The following STXBP4 variants were observed in gnomAD, a reference collection of about 807,000 sequenced individuals.
STXBP4 encodes the protein syntaxin-binding protein 4.
STXBP4 carries 55 observed loss-of-function variants against 76.1 expected under a neutral mutation model. That is an observed-to-expected ratio of 0.72 (90% confidence interval 0.58 to 0.91). The LOEUF (loss-of-function observed/expected upper bound fraction) is 0.91, where lower values mean the gene tolerates loss of function less well. STXBP4 is among the 40% of genes least tolerant of loss of function. The pLI is 0.00. For synonymous variants in STXBP4, 201 were observed against 220.2 expected (o/e 0.91, Z 0.77); for missense variants, 618 against 636.9 (o/e 0.97, Z 0.32).
the STXBP4 span, among the ~76,000 whole-genome samples, chr17:55,180,481 T>C: frequency 6.6e-6 from 1 of 152,138 alleles, no homozygotes; most frequent in African/African-American, 2.4e-5. Context: ...TCAACCTGAG[T>C]TCTTTTTACT....
In STXBP4 at chr17:55,173,193, A is replaced by G. The variant is rs1013378256; in HGVS notation, c.*13282A>G. 1 of 152,222 alleles carries G rather than the reference A, an allele frequency of 6.6e-6. No homozygotes were observed. The highest frequency in any genetic ancestry group is 1.5e-5 in the Non-Finnish European group (1 of 68,042). The allele number at this position is 152,222 out of a possible 1,614,324, so 9.4% of individuals were successfully genotyped here. A position where few individuals can be genotyped will look rare whatever the true frequency, so the allele number is the denominator to read the frequency against. Reference sequence around the variant, plus strand: ...GTTAAAGTTTATTATTTTTTAATGCAGAAAAAAGTGACTTTTGGGGGAGTG... The same window carrying G: ...GTTAAAGTTTATTATTTTTTAATGCGGAAAAAAGTGACTTTTGGGGGAGTG... On this transcript the variant is annotated 3_prime_UTR_variant, in exon 18 of 18. Coordinates refer to ENST00000376352, the MANE Select transcript of STXBP4 (RefSeq NM_178509.6).
intron 1 of STXBP4, among the ~76,000 whole-genome samples, chr17:54,973,148 C>T (rs557405089): frequency 6.6e-6 from 1 of 152,292 alleles, no homozygotes; most frequent in African/African-American, 2.4e-5. Flanking sequence ...CCAAGCTCAG[C>T]GCATGGATAG....
the STXBP4 span, among the ~76,000 whole-genome samples, chr17:55,206,989 G>A: frequency 1.3e-5 from 2 of 151,864 alleles, no homozygotes; most frequent in Non-Finnish European, 2.9e-5. Flanking sequence ...AAACCTTTAT[G>A]GGAACCTTCA....
At chr17:55,081,229 C>T in intron 16 of STXBP4, 46 bp downstream of exon 16, 1 of 1,341,470 alleles carries the variant, frequency 7.5e-7, no homozygotes, top group Non-Finnish European at 9.7e-7. Context: ...ATTTATTTAA[C>T]AAAACAAATT....
At chr17:55,122,353 A>G (rs568575227) in intron 16 of STXBP4, among the ~76,000 whole-genome samples, 1 of 152,378 alleles carries the variant, frequency 6.6e-6, no homozygotes, top group South Asian at 2.1e-4. Context: ...AGATGAAGTC[A>G]GCCAAAGAAA....
chr17:55,136,150 T>C (rs530291218), intron 16 of STXBP4, among the ~76,000 whole-genome samples: 1 of 152,250 alleles, frequency 6.6e-6, no homozygotes, highest in East Asian at 1.9e-4. Flanking sequence ...ATGTCAGAAA[T>C]AGTAGAAAGC....
At chr17:55,152,629 A>G (rs1444622065) in intron 17 of STXBP4, among the ~76,000 whole-genome samples, 2 of 152,198 alleles carry the variant, frequency 1.3e-5, no homozygotes, top group African/African-American at 2.4e-5. Flanking sequence ...AGGAAATGCC[A>G]GACGCTTATT....
intron 1 of STXBP4, among the ~76,000 whole-genome samples, chr17:54,973,051 G>A (rs1399620268): frequency 6.6e-6 from 1 of 152,232 alleles, no homozygotes; most frequent in African/African-American, 2.4e-5. Flanking sequence ...TTCAGCTCCA[G>A]ACATTTTAGA....
chr17:55,017,493 G>T (rs2078229463), intron 8 of STXBP4, among the ~76,000 whole-genome samples: 1 of 152,228 alleles, frequency 6.6e-6, no homozygotes, highest in East Asian at 1.9e-4. Context: ...GGAAATGAAA[G>T]TCTGAATCAT....
At chr17:55,203,667 A>T in the STXBP4 span, among the ~76,000 whole-genome samples, 1 of 152,194 alleles carries the variant, frequency 6.6e-6, no homozygotes. Flanking sequence ...GAAAATTTCT[A>T]CCAATCATAC....
At chr17:55,123,625 G>C (rs187784281) in intron 16 of STXBP4, among the ~76,000 whole-genome samples, 47 of 152,270 alleles carry the variant, frequency 3.1e-4, no homozygotes, top group African/African-American at 1.1e-3. Context: ...GATGGGCCAG[G>C]TGCGGTGGCT....
chr17:55,157,881 T>A (rs1278702755), intron 17 of STXBP4, among the ~76,000 whole-genome samples: 1 of 152,220 alleles, frequency 6.6e-6, no homozygotes, highest in African/African-American at 2.4e-5. Context: ...AATTGTGTTC[T>A]ATGGAACACT....
At chr17:55,112,070 C>T (rs2079726710) in intron 16 of STXBP4, among the ~76,000 whole-genome samples, 1 of 145,566 alleles carries the variant, frequency 6.9e-6, no homozygotes, top group African/African-American at 2.6e-5. Flanking sequence ...TGCACAACAC[C>T]ACACCCAGCT....
At chr17:55,038,541 G>A (rs1256029681) in intron 10 of STXBP4, among the ~76,000 whole-genome samples, 3 of 151,972 alleles carry the variant, frequency 2.0e-5, no homozygotes, top group African/African-American at 7.3e-5. Flanking sequence ...CAACTTTTGG[G>A]TTTGGAAGAA....
At chr17:55,182,595 C>T in the STXBP4 span, among the ~76,000 whole-genome samples, 11 of 151,780 alleles carry the variant, frequency 7.2e-5, no homozygotes, top group African/African-American at 2.2e-4. Context: ...TATATTAAGC[C>T]ATAAATTCAA....
intron 8 of STXBP4, among the ~76,000 whole-genome samples, chr17:55,011,811 C>T (rs1203233804): frequency 6.6e-6 from 1 of 152,044 alleles, no homozygotes; most frequent in Non-Finnish European, 1.5e-5. Context: ...TCTTAGTCGG[C>T]CTAGGAAATC....
intron 16 of STXBP4, among the ~76,000 whole-genome samples, chr17:55,117,370 T>A (rs1295421738): frequency 6.6e-6 from 1 of 151,748 alleles, no homozygotes; most frequent in Admixed American, 6.6e-5. Context: ...GTTGTAAAAT[T>A]TTTTTTTCTG....
chr17:55,032,358 A>G (rs947192480), intron 9 of STXBP4, among the ~76,000 whole-genome samples: 1 of 152,210 alleles, frequency 6.6e-6, no homozygotes, highest in Non-Finnish European at 1.5e-5. Context: ...AGAAAAACAC[A>G]TACAAGTAAA....
rs776355220 is a variant in STXBP4, at chr17:54,999,817, A to G, written c.473A>G (p.Asn158Ser). Residue 158 changes from asparagine to serine, a missense_variant, in exon 6 of 18, where the codon AAT becomes AGT. By Grantham distance (46) the Asn-to-Ser change is conservative (BLOSUM62 1). Coordinates refer to ENST00000376352, the MANE Select transcript of STXBP4 (RefSeq NM_178509.6). Reference protein sequence around the residue: ...IPKTSSTPKTNNDILSSCEIK... With the variant: ...IPKTSSTPKTSNDILSSCEIK... ...AAGACCTCATCCACTCCCAAAACAA[A>G]TAATGACATTTTATCTTCTTGTGAG... 6.8e-6 allele frequency: 11 copies of G among 1,612,046 alleles called. No individual in the cohort carries two copies. The African/African-American group carries it at 1.2e-4, about 18-fold the overall frequency.
Sources: allele counts gnomAD v4.1 joint callset (sites outside exome capture counted in the v4.1 genomes callset), GRCh38; gene constraint gnomAD v4.1.1; transcripts MANE v1.5; gene names NCBI Gene and HGNC (gene_info 2026-07-23, HGNC 2026-07-21).